The following PIK3C2A variants were observed in gnomAD, a reference collection of about 807,000 sequenced individuals.
PIK3C2A encodes the protein phosphatidylinositol 4-phosphate 3-kinase C2 domain-containing subunit alpha.
A neutral mutation model predicts 204.5 loss-of-function variants in PIK3C2A; 97 were observed. That is an observed-to-expected ratio of 0.47 (90% CI 0.40 to 0.56). PIK3C2A has a LOEUF of 0.56. PIK3C2A is among the 20% of genes least tolerant of loss of function. The probability of loss-of-function intolerance (pLI) is 0.00; values close to 1 mark genes in which losing one functional copy is unlikely to be tolerated. For missense variants in PIK3C2A, 1,735 were observed against 1,969.2 expected (o/e 0.88, Z 2.25); for synonymous variants, 653 against 664.4 (o/e 0.98, Z 0.26).
chr11:17,193,701 C>A (rs541812044), intron 1 of PIK3C2A: 3 of 232,122 alleles, frequency 1.3e-5, no homozygotes, highest in South Asian at 4.9e-5. Context: ...TAAAAATTAG[C>A]GGGGCATGAT....
intron 1 of PIK3C2A, chr11:17,194,033 C>T (rs970808862): frequency 2.6e-5 from 10 of 381,258 alleles, no homozygotes; most frequent in African/African-American, 1.1e-4. Flanking sequence ...CAGGCTTTGG[C>T]AGGCCATCAG....
intron 21 of PIK3C2A, 129 bp from the exon 22 acceptor site, chr11:17,110,690 G>A (rs7118006): frequency 0.43 from 288,271 of 662,692 alleles, 65,385 homozygotes; most frequent in Non-Finnish European, 0.47. Flanking sequence ...TCAGGAGTTC[G>A]AGATCAGCCT....
Position 17,176,719 on chromosome 11 carries a change from A to C in PIK3C2A, c.-65-6913T>G, listed in dbSNP as rs370953507. 4.6e-5 allele frequency among the ~76,000 whole-genome samples: 7 copies of C among 152,120 alleles called. No homozygotes were observed. The South Asian group carries it at 8.3e-4, about 18-fold the overall frequency. ...GAGGAACACTTGAGCCCAGGTGTTC[A>C]AGGTTAGAGTGAGCTATGATTGTGT... On this transcript the variant is annotated intron_variant, in intron 1 of 32. Transcript: ENST00000691414.
intron 18 of PIK3C2A, 130 bp from the exon 19 acceptor site, chr11:17,117,801 C>T: frequency 1.9e-6 from 1 of 533,706 alleles, no homozygotes; most frequent in Non-Finnish European, 3.2e-6. Context: ...GCAAGCTCTG[C>T]CTCCCGGGTT....
chr11:17,184,332 C>T (rs989191660), intron 1 of PIK3C2A, among the ~76,000 whole-genome samples: 1 of 151,762 alleles, frequency 6.6e-6, no homozygotes, highest in Non-Finnish European at 1.5e-5. Flanking sequence ...CATATTATGG[C>T]CCCTGAGGAC....
intron 13 of PIK3C2A, among the ~76,000 whole-genome samples, chr11:17,128,078 G>T (rs921997494): frequency 1.3e-5 from 2 of 152,110 alleles, no homozygotes; most frequent in African/African-American, 4.8e-5. Context: ...TCATAGAGCA[G>T]TTGTGAGAAA....
At chr11:17,129,537 G>A in intron 12 of PIK3C2A, 70 bp from the exon 13 acceptor site, 1 of 904,090 alleles carries the variant, frequency 1.1e-6, no homozygotes, top group Admixed American at 2.2e-5. Context: ...ACTTTAATGA[G>A]ACTGACAATT....
At chr11:17,106,166 C>A (rs1262149769) in intron 22 of PIK3C2A, among the ~76,000 whole-genome samples, 3 of 150,686 alleles carry the variant, frequency 2.0e-5, no homozygotes, top group African/African-American at 7.3e-5. Context: ...AATTCCAGCA[C>A]TTTTGGAGGC....
chr11:17,194,976 G>T (rs1163300008), intron 1 of PIK3C2A, among the ~76,000 whole-genome samples: 1 of 151,774 alleles, frequency 6.6e-6, no homozygotes, highest in East Asian at 1.9e-4. Flanking sequence ...AACTTGTAAA[G>T]TTTAATTCTT....
In PIK3C2A at chr11:17,114,092, T is replaced by TAAATAAATAAAA. The variant is rs1297612190; in HGVS notation, c.3321+268_3321+269insTTTTATTTATTT. ...GACTTTGTCTCAAAAAATAAATAAA[T>TAAATAAATAAAA]AAATAAATAAATAAATAAATAAAAA... is the stretch of plus-strand genomic sequence containing the variant. On this transcript the variant is annotated intron_variant, in intron 20 of 32. Coordinates refer to ENST00000691414, the MANE Select transcript of PIK3C2A (RefSeq NM_002645.4). 4.9e-3 allele frequency among the ~76,000 whole-genome samples: 740 copies of TAAATAAATAAAA among 149,974 alleles called. 14 individuals are homozygous for TAAATAAATAAAA. Among genetic ancestry groups the TAAATAAATAAAA allele is most frequent in the African/African-American group, 0.017 (706 of 41,008 alleles).
At chr11:17,123,335 C>T (rs1849422670) in intron 13 of PIK3C2A, among the ~76,000 whole-genome samples, 1 of 151,992 alleles carries the variant, frequency 6.6e-6, no homozygotes, top group South Asian at 2.1e-4. Flanking sequence ...GCAGCCTTGA[C>T]CTCCCTGGGC....
intron 8 of PIK3C2A, among the ~76,000 whole-genome samples, chr11:17,140,703 T>A (rs1275928536): frequency 6.6e-6 from 1 of 152,166 alleles, no homozygotes; most frequent in East Asian, 1.9e-4. Context: ...TTGGGAGTGA[T>A]GAGAATGTTC....
intron 1 of PIK3C2A, among the ~76,000 whole-genome samples, chr11:17,192,560 C>T (rs1851979643): frequency 6.6e-6 from 1 of 152,162 alleles, no homozygotes; most frequent in Non-Finnish European, 1.5e-5. Context: ...GATTCTCATG[C>T]CTCAGCCTCC....
intron 12 of PIK3C2A, among the ~76,000 whole-genome samples, chr11:17,130,732 G>A (rs185248527): frequency 1.3e-4 from 20 of 151,030 alleles, no homozygotes; most frequent in African/African-American, 3.9e-4. Context: ...ACTTGAACCC[G>A]GGAAGCTGAG....
Position 17,134,940 on chromosome 11 carries a change from C to T in PIK3C2A, c.1987G>A (p.Gly663Ser), listed in dbSNP as rs1266779970. 2 of 1,613,958 alleles carry T rather than the reference C, an allele frequency of 1.2e-6. No homozygotes were observed. The highest frequency in any genetic ancestry group is 1.7e-6 in the Non-Finnish European group (2 of 1,179,894). Residue 663 changes from glycine to serine, a missense_variant, in exon 11 of 33, where the codon GGT (glycine) becomes AGT (serine). Coordinates refer to ENST00000691414, the MANE Select transcript of PIK3C2A (RefSeq NM_002645.4). ...TGGGCACAGTCTGTAGGACTCCTAC[C>T]AGAATTTGCATGGAGTCTGAGAAGA... The part of the protein sequence containing the change: ...YDLLRLHANS[G>S]RSPTDCAQSS...
At chr11:17,102,561 G>T in intron 24 of PIK3C2A, 101 bp downstream of exon 24, 3 of 870,698 alleles carry the variant, frequency 3.4e-6, no homozygotes, top group Non-Finnish European at 5.5e-6. Context: ...TCCCAGTTAT[G>T]TTCAAATGGA....
intron 1 of PIK3C2A, among the ~76,000 whole-genome samples, chr11:17,177,174 T>C (rs988740047): frequency 6.6e-5 from 10 of 152,236 alleles, no homozygotes; most frequent in African/African-American, 2.2e-4. Context: ...TCAACTTTCA[T>C]CTTCAATCAT....
At chr11:17,176,232 C>T (rs924875298) in intron 1 of PIK3C2A, among the ~76,000 whole-genome samples, 2 of 151,772 alleles carry the variant, frequency 1.3e-5, no homozygotes, top group African/African-American at 4.8e-5. Flanking sequence ...GTCTCAAACC[C>T]CTGACCTCAG....
At chr11:17,120,412 GT>G (rs1849334369) in intron 15 of PIK3C2A, among the ~76,000 whole-genome samples, 1 of 151,846 alleles carries the variant, frequency 6.6e-6, no homozygotes, top group African/African-American at 2.4e-5. Context: ...AAAAGGACTT[GT>G]TTTGAAGATC....
Sources: gnomAD v4.1 joint callset for allele counts (sites outside exome capture counted in the v4.1 genomes callset) on GRCh38, gnomAD v4.1.1 for gene constraint, MANE v1.5 for transcripts, NCBI Gene and HGNC (gene_info 2026-07-23, HGNC 2026-07-21) for gene names.